Variants in CCNJL observed in about 807,000 individuals in gnomAD.
The protein encoded by CCNJL is cyclin J like.
Under a neutral mutation model 33.4 loss-of-function variants are expected in CCNJL, and 33 were observed. The ratio of observed to expected loss-of-function variants is 0.99; its 90% confidence interval spans 0.75 to 1.32. The LOEUF (loss-of-function observed/expected upper bound fraction) is 1.32. Ranked by LOEUF, CCNJL falls within the 40% of genes most tolerant of loss-of-function variation. The pLI, the probability that CCNJL is intolerant of heterozygous loss-of-function variation, is 0.00. For synonymous variants in CCNJL, 227 were observed against 220.9 expected (o/e 1.03, Z -0.24); for missense variants, 512 against 499.7 (o/e 1.02, Z -0.23).
chr5:160,326,541 AAAAT>A (rs1763538786), intron 1 of CCNJL, among the ~76,000 whole-genome samples: 1 of 151,844 alleles, frequency 6.6e-6, no homozygotes, highest in Admixed American at 6.6e-5. Context: ...GGCAATCTCT[AAAAT>A]AAATATTCAA....
At chr5:160,254,089 C>A (rs941008180) in intron 5 of CCNJL, 6 of 468,408 alleles carry the variant, frequency 1.3e-5, no homozygotes, top group African/African-American at 9.9e-5. Flanking sequence ...CAGTCAATAC[C>A]CCAGAGAGTA....
rs1048578474 is a variant in CCNJL, at chr5:160,253,088, T to C, written c.*290A>G. 3.0e-6 allele frequency: 1 copy of C among 332,032 alleles called. No homozygotes were observed. The highest frequency in any genetic ancestry group is 5.5e-6 in the Non-Finnish European group (1 of 182,862). The allele number at this position is 332,032 out of a possible 1,614,324, so 20.6% of individuals were successfully genotyped here. ...CAGTTCCCACTCTCCTGGCCTCTTA[T>C]CAAGTCTTTCTCGATTCACTGGGCC... On this transcript the variant is annotated 3_prime_UTR_variant, in exon 6 of 6. Transcript: ENST00000257536.
At chr5:160,332,487 A>G (rs1375972698) in intron 1 of CCNJL, among the ~76,000 whole-genome samples, 3 of 152,108 alleles carry the variant, frequency 2.0e-5, no homozygotes, top group Non-Finnish European at 4.4e-5. Flanking sequence ...AAAGGCCTAT[A>G]CCTACAGGGC....
In CCNJL at chr5:160,280,468, C is replaced by T. The variant is rs146670939; in HGVS notation, c.280+57G>A. On this transcript the variant is annotated intron_variant, in intron 3 of 5. Transcript: ENST00000257536. ...GTAAAGTGATTTGGAAGCAGCCAGGCGCACTGAGCGGGAGGAGACCGCACA... is the reference window on the plus strand; with the variant it reads ...GTAAAGTGATTTGGAAGCAGCCAGGTGCACTGAGCGGGAGGAGACCGCACA... 4.3e-3 allele frequency: 5,724 copies of T among 1,340,672 alleles called. 31 individuals carry two copies. The highest frequency in any genetic ancestry group is 0.015 in the Middle Eastern group (62 of 4,060). The allele number at this position is 1,340,672 out of a possible 1,614,324, so 83.0% of individuals were successfully genotyped here.
At chr5:160,270,977 T>A (rs1457836449) in intron 3 of CCNJL, among the ~76,000 whole-genome samples, 1 of 152,184 alleles carries the variant, frequency 6.6e-6, no homozygotes, top group Non-Finnish European at 1.5e-5. Context: ...GAAACCTCAC[T>A]ATGTCGGTGA....
intron 2 of CCNJL, among the ~76,000 whole-genome samples, chr5:160,282,251 A>G (rs1273192366): frequency 6.6e-6 from 1 of 152,202 alleles, no homozygotes; most frequent in Non-Finnish European, 1.5e-5. Flanking sequence ...TTACTCAGTA[A>G]GTATGAAGTA....
intron 1 of CCNJL, among the ~76,000 whole-genome samples, chr5:160,338,213 A>T (rs1021671872): frequency 2.0e-5 from 3 of 148,430 alleles, no homozygotes; most frequent in Non-Finnish European, 3.0e-5. Flanking sequence ...CCTGGGTAAC[A>T]TGGTGAAACC....
chr5:160,253,133 A>C lies in CCNJL; in HGVS notation c.*245T>G, dbSNP rs1580936651. ...TGGGCCCCTGTGTGGGGGGACGGCC[A>C]CCAAGCCATCCTTTTGTACCCTAGC... On this transcript the variant is annotated 3_prime_UTR_variant, in exon 6 of 6. Coordinates refer to ENST00000257536, the MANE Select transcript of CCNJL (RefSeq NM_001308173.3). 1 of 405,234 alleles carries C rather than the reference A, an allele frequency of 2.5e-6. No individual in the cohort carries two copies. Among genetic ancestry groups the C allele is most frequent in the South Asian group, 7.7e-5 (1 of 12,922 alleles). The allele number at this position is 405,234 out of a possible 1,614,324, so 25.1% of individuals were successfully genotyped here. A position where few individuals can be genotyped will look rare whatever the true frequency, so the allele number is the denominator to read the frequency against.
intron 1 of CCNJL, among the ~76,000 whole-genome samples, chr5:160,336,999 C>CTT (rs1763690401): frequency 9.0e-6 from 1 of 111,720 alleles, no homozygotes; most frequent in Non-Finnish European, 1.8e-5. Context: ...CTTTCTTTTT[C>CTT]TTTCTTTTTT....
At chr5:160,326,459 C>A (rs961354252) in intron 1 of CCNJL, among the ~76,000 whole-genome samples, 1 of 123,124 alleles carries the variant, frequency 8.1e-6, no homozygotes, top group Non-Finnish European at 1.6e-5. Context: ...GCATTCCAGC[C>A]TGGGCGACAG....
chr5:160,285,191 A>AAATC (rs986420813), intron 2 of CCNJL, among the ~76,000 whole-genome samples: 2 of 152,190 alleles, frequency 1.3e-5, no homozygotes, highest in African/African-American at 4.8e-5. Flanking sequence ...CTCCATCTCA[A>AAATC]AATCAATCAA....
chr5:160,298,634 G>C (rs1473937048), intron 2 of CCNJL, among the ~76,000 whole-genome samples: 2 of 152,220 alleles, frequency 1.3e-5, no homozygotes, highest in Non-Finnish European at 2.9e-5. Context: ...AGGGTGCTCT[G>C]AGAACATACA....
At chr5:160,254,281 C>G (rs1186367198) in intron 5 of CCNJL, 1 of 648,034 alleles carries the variant, frequency 1.5e-6, no homozygotes, top group Admixed American at 2.5e-5. Context: ...CCTTAGCTAG[C>G]TGATATCAAC....
At chr5:160,263,245 T>A (rs879565531) in intron 3 of CCNJL, among the ~76,000 whole-genome samples, 187 of 152,328 alleles carry the variant, frequency 1.2e-3, no homozygotes, top group Non-Finnish European at 1.8e-3. Flanking sequence ...CAGCATCCGT[T>A]CCTGAGGTCA....
chr5:160,262,271 C>T (rs1265845766), intron 3 of CCNJL, among the ~76,000 whole-genome samples: 1 of 152,140 alleles, frequency 6.6e-6, no homozygotes, highest in South Asian at 2.1e-4. Flanking sequence ...CAGATGTGCT[C>T]AATCAGATTA....
At chr5:160,283,805 C>T (rs1762322786) in intron 2 of CCNJL, among the ~76,000 whole-genome samples, 1 of 152,022 alleles carries the variant, frequency 6.6e-6, no homozygotes, top group Non-Finnish European at 1.5e-5. Context: ...AACCATCCTT[C>T]TACTCTCTAT....
intron 3 of CCNJL, among the ~76,000 whole-genome samples, chr5:160,267,291 C>T (rs1268103510): frequency 2.0e-5 from 3 of 152,060 alleles, no homozygotes; most frequent in African/African-American, 4.8e-5. Context: ...ATTCTGGCAA[C>T]GACCCTGGGA....
intron 1 of CCNJL, among the ~76,000 whole-genome samples, chr5:160,320,951 C>T (rs10055597): frequency 7.1e-6 from 1 of 141,744 alleles, no homozygotes; most frequent in Admixed American, 6.9e-5. Flanking sequence ...TTCCTTCCCT[C>T]CTTCTCTCCT....
rs1334322704 is a variant in CCNJL, at chr5:160,253,763, A to G, written c.779T>C (p.Val260Ala). ...CACCATTGCCAAGGCCTGGCTCTTG[A>G]CGGCTACGGCATCCTTGAGGACGTT... ...YDNVLKDAVA[V>A]KSQALAMVPG... is the part of the protein sequence containing the mutation. The change falls in exon 6 of 6, where the codon GTC becomes GCC. Residue 260 changes from valine to alanine, a missense_variant. Coordinates refer to ENST00000257536, the MANE Select transcript of CCNJL (RefSeq NM_001308173.3). 1 of 1,532,318 alleles carries G rather than the reference A, an allele frequency of 6.5e-7. No homozygotes were observed. 94.9% of individuals were successfully genotyped at this position (1,532,318 alleles called of 1,614,324 possible).
Sources: allele counts gnomAD v4.1 joint callset (sites outside exome capture counted in the v4.1 genomes callset), GRCh38; gene constraint gnomAD v4.1.1; transcripts MANE v1.5; gene names NCBI Gene and HGNC (gene_info 2026-07-23, HGNC 2026-07-21).